DBT: variants seen among roughly 807,000 people sequenced by gnomAD.
The protein encoded by DBT is dihydrolipoamide branched chain transacylase E2, also known as lipoamide acyltransferase component of branched-chain alpha-keto acid dehydrogenase complex, mitochondrial.
In DBT, 40 loss-of-function variants were observed where a neutral mutation model predicts 51.3. The ratio of observed to expected loss-of-function variants is 0.78; its 90% CI spans 0.61 to 1.02. The LOEUF is 1.02. Among genes scored for constraint, DBT ranks in the 50% least tolerant of loss-of-function variants. The pLI, the probability that DBT is intolerant of heterozygous loss-of-function variation, is 0.00. For synonymous variants in DBT, 181 were observed against 190.4 expected (o/e 0.95, Z 0.41); for missense variants, 510 against 580.2 (o/e 0.88, Z 1.24).
intron 7 of DBT, 113 bp from the exon 8 acceptor site, chr1:100,210,884 A>T: frequency 1.9e-6 from 3 of 1,561,634 alleles, no homozygotes; most frequent in Non-Finnish European, 2.6e-6. Flanking sequence ...ATTTATGCTG[A>T]GTTTAATTTC....
In DBT at chr1:100,200,593, C is replaced by A. The variant is rs887637457; in HGVS notation, c.1282-4171G>T. 2.0e-5 allele frequency among the ~76,000 whole-genome samples: 3 copies of A among 152,188 alleles called. No homozygotes were observed. In the East Asian group the frequency reaches 5.8e-4, roughly 29 times the overall value. On this transcript the variant is annotated intron_variant, in intron 10 of 10. Transcript: ENST00000370132. ...CTGCCTCCTCAAGTGGGTCTCTGAC[C>A]CCCATGCCTCCTGACGGGGAGACAC...
In DBT at chr1:100,217,526, A is replaced by G. The variant is rs185116794; in HGVS notation, c.555+1100T>C. On this transcript the variant is annotated intron_variant, in intron 5 of 10. Transcript: ENST00000370132. ...ATGATTCCTAGATTATTTTCTTGGGATAGTTCCCCAGTGGCAGGATAACTG... is the reference window on the plus strand; with the variant it reads ...ATGATTCCTAGATTATTTTCTTGGGGTAGTTCCCCAGTGGCAGGATAACTG... Among the ~76,000 whole-genome samples, 293 of 152,364 alleles carry G rather than the reference A, an allele frequency of 1.9e-3. 3 individuals are homozygous for G. The East Asian group carries it at 0.03, about 16-fold the overall frequency.
intron 4 of DBT, 94 bp downstream of exon 4, chr1:100,230,639 A>AC (rs1189804425): frequency 1.2e-5 from 10 of 805,656 alleles, no homozygotes; most frequent in Middle Eastern, 3.8e-4. Context: ...GAAAAAAAAA[A>AC]AACAAAAAAA....
At chr1:100,203,941 G>A (rs768978893) in intron 10 of DBT, among the ~76,000 whole-genome samples, 18 of 152,100 alleles carry the variant, frequency 1.2e-4, no homozygotes, top group Admixed American at 3.9e-4. Flanking sequence ...AGGTATTGAT[G>A]GAACATATCT....
In DBT at chr1:100,189,921, A is replaced by C. The variant is rs1660736311; in HGVS notation, c.*6334T>G. ...CTGTGCTATCTGGTATGGTGCTATA[A>C]GCCACATGTAGCTATTTAAATTTAA... On this transcript the variant is annotated 3_prime_UTR_variant, in exon 11 of 11. Transcript: ENST00000370132. 2 of 152,186 alleles carry C rather than the reference A, an allele frequency of 1.3e-5. No homozygotes were observed. The highest frequency in any genetic ancestry group is 4.2e-4 in the South Asian group (2 of 4,818). The allele number at this position is 152,186 out of a possible 1,614,324, so 9.4% of individuals were successfully genotyped here. A position where few individuals can be genotyped will look rare whatever the true frequency, so the allele number is the denominator to read the frequency against.
chr1:100,234,855 CTTTAA>C (rs1174028821), intron 3 of DBT, among the ~76,000 whole-genome samples: 1 of 152,152 alleles, frequency 6.6e-6, no homozygotes, highest in Non-Finnish European at 1.5e-5. Flanking sequence ...TTAAAAGGAT[CTTTAA>C]TGGTATAAAT....
intron 10 of DBT, among the ~76,000 whole-genome samples, chr1:100,200,412 G>C (rs1204919815): frequency 1.3e-5 from 2 of 152,214 alleles, no homozygotes; most frequent in East Asian, 3.9e-4. Flanking sequence ...CCAGTCAGGG[G>C]CTTATAGATA....
intron 1 of DBT, among the ~76,000 whole-genome samples, chr1:100,245,063 G>C (rs1664463221): frequency 6.6e-6 from 1 of 152,112 alleles, no homozygotes; most frequent in Admixed American, 6.5e-5. Context: ...CAGGCAACAG[G>C]AAAGAGGAGA....
At position 100,225,052 on chromosome 1, in the gene DBT, T is replaced by TATACACACACAC. The variant is rs1185819980; in HGVS notation, c.433+5680_433+5681insGTGTGTGTGTAT. Among the ~76,000 whole-genome samples the TATACACACACAC allele has an allele frequency of 3.8e-5, 3 of 79,034 alleles. 1 individual carries two copies. Among genetic ancestry groups the TATACACACACAC allele is most frequent in the African/African-American group, 1.5e-4 (3 of 19,902 alleles). 51.8% of individuals were successfully genotyped at this position (79,034 alleles called of 152,430 possible). A position where few individuals can be genotyped will look rare whatever the true frequency, so the allele number is the denominator to read the frequency against. On this transcript the variant is annotated intron_variant, in intron 4 of 10. Coordinates refer to ENST00000370132, the MANE Select transcript of DBT (RefSeq NM_001918.5). ...AAAAAAAAAAAAAAAAATATATATA[T>TATACACACACAC]ACACACACACACACACACACACACA...
At chr1:100,229,286 G>A (rs1663394921) in intron 4 of DBT, among the ~76,000 whole-genome samples, 3 of 152,102 alleles carry the variant, frequency 2.0e-5, no homozygotes, top group Non-Finnish European at 4.4e-5. Context: ...TCCTGCCTCA[G>A]CCTCCCGAGT....
intron 8 of DBT, among the ~76,000 whole-genome samples, chr1:100,208,098 G>A (rs1418750256): frequency 1.3e-5 from 2 of 151,890 alleles, no homozygotes; most frequent in African/African-American, 4.8e-5. Context: ...TCGCAGCACT[G>A]CACTCCAGCC....
chr1:100,210,494 G>C (rs974655170), intron 8 of DBT, 200 bp downstream of exon 8: 2 of 673,946 alleles, frequency 3.0e-6, no homozygotes, highest in Non-Finnish European at 4.6e-6. Context: ...CTTAAAAATA[G>C]TTTTAAGAAT....
chr1:100,236,091 T>C (rs1198757394), intron 2 of DBT, among the ~76,000 whole-genome samples: 2 of 151,100 alleles, frequency 1.3e-5, no homozygotes, highest in African/African-American at 2.4e-5. Flanking sequence ...TACCCATCCC[T>C]CCTTTTTTTT....
At chr1:100,201,534 A>C (rs943464065) in intron 10 of DBT, among the ~76,000 whole-genome samples, 54 of 152,344 alleles carry the variant, frequency 3.5e-4, no homozygotes, top group African/African-American at 1.3e-3. Flanking sequence ...CCAACATTCA[A>C]ATTCAGGAAA....
intron 10 of DBT, among the ~76,000 whole-genome samples, chr1:100,201,578 G>A (rs1455615039): frequency 2.6e-5 from 4 of 152,090 alleles, no homozygotes; most frequent in Non-Finnish European, 5.9e-5. Flanking sequence ...TCCTCGAGAA[G>A]AGCAACCCCA....
rs1661022796 is a variant in DBT at position 100,195,189 on chromosome 1, A to G, written c.*1066T>C. 6.6e-6 allele frequency: 1 copy of G among 152,620 alleles called. No individual in the cohort carries two copies. The highest frequency in any genetic ancestry group is 1.9e-4 in the East Asian group (1 of 5,196). 9.5% of individuals were successfully genotyped at this position (152,620 alleles called of 1,614,324 possible). ...AAGTTAAAAGGAAGTAGACTTCTCA[A>G]ATTTTTTTTAAAAAAAGAAATGTCA... On this transcript the variant is annotated 3_prime_UTR_variant, in exon 11 of 11. Transcript: ENST00000370132.
intron 1 of DBT, among the ~76,000 whole-genome samples, chr1:100,242,011 C>T (rs1664252881): frequency 6.6e-6 from 1 of 151,396 alleles, no homozygotes; most frequent in Non-Finnish European, 1.5e-5. Context: ...CAGAGCAAGA[C>T]TCCATCTCAA....
chr1:100,224,746 G>A (rs1032523549), intron 4 of DBT, among the ~76,000 whole-genome samples: 8 of 151,970 alleles, frequency 5.3e-5, no homozygotes, highest in Admixed American at 2.0e-4. Flanking sequence ...GCTGGGCATG[G>A]TAGCTCACGC....
intron 7 of DBT, chr1:100,213,272 A>C: frequency 7.4e-7 from 1 of 1,347,034 alleles, no homozygotes. Flanking sequence ...GCCGGGGCCG[A>C]CAGAGCCGAG....
Sources: gnomAD v4.1 joint callset for allele counts (sites outside exome capture counted in the v4.1 genomes callset) on GRCh38, gnomAD v4.1.1 for gene constraint, MANE v1.5 for transcripts, NCBI Gene and HGNC (gene_info 2026-07-23, HGNC 2026-07-21) for gene names.